Variants in TCF7L2 observed in about 807,000 individuals in gnomAD.
TCF7L2 encodes transcription factor 7 like 2.
Under a neutral mutation model 77.9 loss-of-function variants are expected in TCF7L2, and 23 were observed. That is an observed-to-expected ratio of 0.30 (90% CI 0.21 to 0.42). The LOEUF (loss-of-function observed/expected upper bound fraction) is 0.42. TCF7L2 is among the 10% of genes least tolerant of loss of function. TCF7L2 has a pLI of 1.00. For missense variants in TCF7L2, 654 were observed against 793.1 expected (o/e 0.82, Z 2.11); for synonymous variants, 413 against 340.2 (o/e 1.21, Z -2.36).
At chr10:113,152,899 T>A (rs1171405944) in intron 11 of TCF7L2, among the ~76,000 whole-genome samples, 3 of 152,192 alleles carry the variant, frequency 2.0e-5, no homozygotes, top group Non-Finnish European at 4.4e-5. Context: ...CCTTTACCGT[T>A]AAGAAGGAAA....
chr10:113,119,582 T>G (rs1220851855), intron 5 of TCF7L2, among the ~76,000 whole-genome samples: 2 of 152,048 alleles, frequency 1.3e-5, no homozygotes, highest in African/African-American at 4.8e-5. Context: ...AACAGAAGGT[T>G]ATAACTTGCA....
At chr10:113,149,677 G>A (rs760970143) in intron 8 of TCF7L2, among the ~76,000 whole-genome samples, 32 of 145,156 alleles carry the variant, frequency 2.2e-4, no homozygotes, top group Non-Finnish European at 4.1e-4. Context: ...ATCCTCATTA[G>A]GCCCTCTAGT....
chr10:113,098,928 T>C (rs572906297), intron 5 of TCF7L2, among the ~76,000 whole-genome samples: 1 of 152,306 alleles, frequency 6.6e-6, no homozygotes, highest in South Asian at 2.1e-4. Context: ...TGATAGATAG[T>C]GCCGACTTGA....
intron 7 of TCF7L2, among the ~76,000 whole-genome samples, chr10:113,145,338 A>T (rs2069164923): frequency 6.6e-6 from 1 of 152,164 alleles, no homozygotes; most frequent in South Asian, 2.1e-4. Flanking sequence ...TTTGAAGGCT[A>T]GATAAAAAGG....
chr10:112,993,805 C>T (rs1354519313), intron 4 of TCF7L2, among the ~76,000 whole-genome samples: 1 of 152,132 alleles, frequency 6.6e-6, no homozygotes, highest in African/African-American at 2.4e-5. Context: ...GCCTGTAATC[C>T]TAGCACTTTG....
intron 4 of TCF7L2, among the ~76,000 whole-genome samples, chr10:113,013,805 A>G (rs1050500520): frequency 2.0e-5 from 3 of 152,192 alleles, no homozygotes; most frequent in Non-Finnish European, 4.4e-5. Context: ...AAAACAAGTC[A>G]GGGACATGTA....
rs1589569737 is a variant in TCF7L2, at chr10:112,951,626, G to A, written c.381+19G>A. Reference sequence around the variant, plus strand: ...CCGAACCGTAAGTGCCTCCGCGCCCGGCCCCCGCCCGCTGCCCGCCCGCCC... The same window carrying A: ...CCGAACCGTAAGTGCCTCCGCGCCCAGCCCCCGCCCGCTGCCCGCCCGCCC... On this transcript the variant is annotated intron_variant, in intron 3 of 13. Transcript: ENST00000627217. 1 of 1,111,422 alleles carries A rather than the reference G, an allele frequency of 9.0e-7. No individual in the cohort carries two copies. Among genetic ancestry groups the A allele is most frequent in the Non-Finnish European group, 1.1e-6 (1 of 904,486 alleles). The allele number at this position is 1,111,422 out of a possible 1,614,324, so 68.8% of individuals were successfully genotyped here. A position where few individuals can be genotyped will look rare whatever the true frequency, so the allele number is the denominator to read the frequency against.
chr10:112,980,873 G>A (rs1290590879), intron 4 of TCF7L2, among the ~76,000 whole-genome samples: 1 of 152,028 alleles, frequency 6.6e-6, no homozygotes, highest in Non-Finnish European at 1.5e-5. Flanking sequence ...TGATCCGCCC[G>A]CCTCAGCCTC....
chr10:113,080,335 C>A lies in TCF7L2; in HGVS notation c.552+40209C>A, dbSNP rs184670668. Among the ~76,000 whole-genome samples the A allele has an allele frequency of 2.4e-4, 36 of 151,902 alleles. No homozygotes were observed. In the East Asian group the frequency reaches 6.4e-3, roughly 27 times the overall value. On this transcript the variant is annotated intron_variant, in intron 5 of 13. Transcript: ENST00000627217. ...ACATTACAAGGCAGCTACCACATCA[C>A]CAAAGGCCAAGCAGAAGGCATTGTG...
chr10:113,126,124 A>C (rs950011322), intron 5 of TCF7L2: 2 of 150,158 alleles, frequency 1.3e-5, no homozygotes, highest in Admixed American at 6.6e-5. Context: ...TTTTTTTTTA[A>C]GTTAGTCATG....
At chr10:112,964,309 A>G (rs1352685902) in intron 3 of TCF7L2, among the ~76,000 whole-genome samples, 2 of 152,088 alleles carry the variant, frequency 1.3e-5, no homozygotes, top group African/African-American at 4.8e-5. Context: ...CGTGGCCCCC[A>G]TCTTCCCTGT....
intron 3 of TCF7L2, among the ~76,000 whole-genome samples, chr10:112,957,190 CTTTTTTTTTT>C (rs35054285): frequency 1.6e-5 from 1 of 60,650 alleles, no homozygotes; most frequent in African/African-American, 7.2e-5. Flanking sequence ...ACACCCCCAC[CTTTTTTTTTT>C]TTTTTTTTTT....
intron 5 of TCF7L2, among the ~76,000 whole-genome samples, chr10:113,109,997 CT>C (rs1228078758): frequency 6.6e-6 from 1 of 152,076 alleles, no homozygotes; most frequent in Non-Finnish European, 1.5e-5. Flanking sequence ...CAGAAAATAG[CT>C]TTGCTATGCT....
At chr10:112,964,814 G>GTGGTGGTGAT (rs1400096451) in intron 4 of TCF7L2, among the ~76,000 whole-genome samples, 190 bp downstream of exon 4, 1 of 116,110 alleles carries the variant, frequency 8.6e-6, no homozygotes, top group Non-Finnish European at 1.7e-5. Flanking sequence ...GGTGGTGGTG[G>GTGGTGGTGAT]GGGGGGGTTG....
chr10:112,992,037 T>C (rs2042645405), intron 4 of TCF7L2, among the ~76,000 whole-genome samples: 2 of 152,336 alleles, frequency 1.3e-5, no homozygotes, highest in African/African-American at 2.4e-5. Flanking sequence ...GGTAACCTCA[T>C]TGGCTACAAA....
chr10:113,050,058 AG>A (rs2054150296), intron 5 of TCF7L2, among the ~76,000 whole-genome samples: 1 of 152,164 alleles, frequency 6.6e-6, no homozygotes, highest in Non-Finnish European at 1.5e-5. Flanking sequence ...CTGCAATGTG[AG>A]GCTGCTGAAG....
At chr10:113,046,799 C>T (rs759659165) in intron 5 of TCF7L2, among the ~76,000 whole-genome samples, 18 of 152,054 alleles carry the variant, frequency 1.2e-4, no homozygotes, top group Admixed American at 2.6e-4. Context: ...TCTCACCACT[C>T]GGAGATTACA....
chr10:112,970,293 G>T (rs1272974941), intron 4 of TCF7L2, among the ~76,000 whole-genome samples: 1 of 151,740 alleles, frequency 6.6e-6, no homozygotes, highest in Non-Finnish European at 1.5e-5. Context: ...GTGCAGTGGG[G>T]GTTACTTTCC....
chr10:113,073,100 G>C lies in TCF7L2; in HGVS notation c.552+32974G>C, dbSNP rs12242719. ...TGTGTACCTAGGGCAGGGCCAGGTC[G>C]TGTGTGTGTGTGTGTGTGTGTGTGT... is the stretch of plus-strand genomic sequence containing the variant. On this transcript the variant is annotated intron_variant, in intron 5 of 13. Coordinates refer to ENST00000627217, the MANE Select transcript of TCF7L2 (RefSeq NM_001146274.2). Among the ~76,000 whole-genome samples the C allele has an allele frequency of 5.2e-3, 33 of 6,394 alleles. No homozygotes were observed. In the East Asian group the frequency reaches 0.06, roughly 12 times the overall value. 4.2% of individuals were successfully genotyped at this position (6,394 alleles called of 152,430 possible).
Sources: allele counts gnomAD v4.1 joint callset (sites outside exome capture counted in the v4.1 genomes callset), GRCh38; gene constraint gnomAD v4.1.1; transcripts MANE v1.5; gene names NCBI Gene and HGNC (gene_info 2026-07-23, HGNC 2026-07-21).